OGFR: variants seen among roughly 807,000 people sequenced by gnomAD.
The protein encoded by OGFR is protein 7-60.
A neutral mutation model predicts 33.6 loss-of-function variants in OGFR; 18 were observed. That is an observed-to-expected ratio of 0.54 (90% CI 0.37 to 0.80). The LOEUF is 0.80. Ranked by LOEUF, OGFR falls within the 30% of genes least tolerant of loss-of-function variation. OGFR has a pLI of 0.00. For synonymous variants in OGFR, 370 were observed against 400.7 expected (o/e 0.92, Z 0.91); for missense variants, 877 against 955.8 (o/e 0.92, Z 1.09).
Position 62,813,650 on chromosome 20 carries a change from G to A in OGFR, c.*1G>A. On this transcript the variant is annotated 3_prime_UTR_variant, in exon 7 of 7. Coordinates refer to ENST00000290291, the MANE Select transcript of OGFR (RefSeq NM_007346.4). Reference sequence around the variant, plus strand: ...TTCTGCCAAGTCTGGGAAGCCTTAAGGAAAGGAGTGCCCGTCGGCGTCTTG... The same window carrying A: ...TTCTGCCAAGTCTGGGAAGCCTTAAAGAAAGGAGTGCCCGTCGGCGTCTTG... The A allele has an allele frequency of 6.2e-7, 1 of 1,611,512 alleles. No individual in the cohort carries two copies. The highest frequency in any genetic ancestry group is 2.2e-5 in the East Asian group (1 of 44,842).
rs140665580 is a variant in OGFR at position 62,812,951 on chromosome 20, C to T, written c.1336C>T (p.Pro446Ser). 2.2e-5 allele frequency: 35 copies of T among 1,612,152 alleles called. No individual in the cohort carries two copies. The highest frequency in any genetic ancestry group is 1.2e-4 in the African/African-American group (9 of 74,898). Residue 446 changes from proline (P) to serine (S), a missense_variant, in exon 7 of 7, where the codon CCC becomes TCC. Pro to Ser is a moderately conservative substitution (Grantham distance 74, BLOSUM62 -1). This residue lies in a region of OGFR where 760 missense variants were observed against 736.0 expected (regional missense o/e 1.03). Transcript: ENST00000290291. The part of the protein sequence containing the change: ...PGEAVQPCRQ[P>S]LGARVADKVR... ...GGAGGCAGTGCAGCCCTGCCGCCAACCCCTGGGAGCCAGGGTGGCCGACAA... is the reference window on the plus strand; with the variant it reads ...GGAGGCAGTGCAGCCCTGCCGCCAATCCCTGGGAGCCAGGGTGGCCGACAA...
intron 4 of OGFR, 52 bp from the exon 5 acceptor site, chr20:62,810,447 G>C: frequency 6.3e-7 from 1 of 1,587,242 alleles, no homozygotes; most frequent in African/African-American, 1.3e-5. Flanking sequence ...ACCTGCCCAA[G>C]GTCTGGAAGC....
Position 62,812,500 on chromosome 20 carries a change from C to T in OGFR, c.885C>T (p.Phe295=). Residue 295 remains phenylalanine, a synonymous_variant, in exon 7 of 7, where the codon TTC becomes TTT. Coordinates refer to ENST00000290291, the MANE Select transcript of OGFR (RefSeq NM_007346.4). ...GGCCCCAAGACAAGCTGCGGAGGTT[C>T]AAGCCCAGCTCTCTGCCCCATCCGC... is the stretch of plus-strand genomic sequence containing the variant. ...VWGPQDKLRR[F]KPSSLPHPLE... 4 of 1,583,012 alleles carry T rather than the reference C, an allele frequency of 2.5e-6. No individual in the cohort carries two copies. In the African/African-American group the frequency reaches 4.0e-5, roughly 16 times the overall value.
At position 62,813,675 on chromosome 20, in the gene OGFR, G is replaced by C; in HGVS notation, c.*26G>C. 1 of 1,609,232 alleles carries C rather than the reference G, an allele frequency of 6.2e-7. No individual in the cohort carries two copies. The highest frequency in any genetic ancestry group is 8.5e-7 in the Non-Finnish European group (1 of 1,177,490). ...GGAAAGGAGTGCCCGTCGGCGTCTT[G>C]GTCCTCCTGTCCCTGCTGCAGGGGC... On this transcript the variant is annotated 3_prime_UTR_variant, in exon 7 of 7. Transcript: ENST00000290291.
rs374502094 is a variant in OGFR at position 62,810,560 on chromosome 20, G to A, written c.460G>A (p.Val154Ile). 1.2e-6 allele frequency: 2 copies of A among 1,612,764 alleles called. No homozygotes were observed. The highest frequency in any genetic ancestry group is 1.7e-6 in the Non-Finnish European group (2 of 1,179,818). ...WHAKPLTLREVEVFKSSQEIQ... is the reference protein window; with the variant it reads ...WHAKPLTLREIEVFKSSQEIQ... ...TGCCAAGCCCCTCACGCTCAGGGAG[G>A]TCGAGGTGAGCCAGGCCTTGGCTGT... The change falls in exon 5 of 7, where the codon GTC (valine) becomes ATC (isoleucine). Residue 154 changes from valine (V) to isoleucine (I), a missense_variant. Around this residue, in one of 3 missense-constraint regions of OGFR, gnomAD observed 760 missense variants for 736.0 expected, o/e 1.03. Coordinates refer to ENST00000290291, the MANE Select transcript of OGFR (RefSeq NM_007346.4).
In OGFR at chr20:62,813,805, A is replaced by G. The variant is rs1990809459; in HGVS notation, c.*156A>G. 1 of 844,010 alleles carries G rather than the reference A, an allele frequency of 1.2e-6. No homozygotes were observed. The highest frequency in any genetic ancestry group is 2.5e-5 in the Admixed American group (1 of 40,166). 52.3% of individuals were successfully genotyped at this position (844,010 alleles called of 1,614,324 possible). On this transcript the variant is annotated 3_prime_UTR_variant, in exon 7 of 7. Transcript: ENST00000290291. ...CTGTGGGGCCACTATAGCAGCCACC[A>G]GAAGCCGCGAGGCCCTCAGGGAAGC...
At chr20:62,806,846 C>CCCAT (rs1990604811) in intron 1 of OGFR, 1 of 153,462 alleles carries the variant, frequency 6.5e-6, no homozygotes, top group Non-Finnish European at 1.5e-5. Context: ...TTTGCTCAGC[C>CCCAT]CCATGATGCT....
intron 2 of OGFR, 87 bp from the exon 3 acceptor site, chr20:62,808,160 C>T (rs1233172318): frequency 1.9e-6 from 2 of 1,025,784 alleles, no homozygotes; most frequent in East Asian, 2.4e-5. Context: ...TGGAGGTTTG[C>T]AGATGCGCCT....
Position 62,813,212 on chromosome 20 carries a change from G to A in OGFR, c.1597G>A (p.Glu533Lys), listed in dbSNP as rs540763369. ...CAGCCCAGCAGGACCTGCAGGGGAC[G>A]AGCCAGCCGAGAGCCCATCGGAGAC... ...GPSPAGPAGD[E>K]PAESPSETPG... The change falls in exon 7 of 7, where the codon GAG (glutamate) becomes AAG (lysine). Residue 533 changes from glutamate (E) to lysine (K), a missense_variant. By Grantham distance (56) the Glu-to-Lys change is moderately conservative. Around this residue, in one of 3 missense-constraint regions of OGFR, gnomAD observed 72 missense variants for 181.8 expected, o/e 0.40. Transcript: ENST00000290291. The A allele has an allele frequency of 2.1e-5, 32 of 1,524,706 alleles. No individual in the cohort carries two copies. In the South Asian group the frequency reaches 2.4e-4, roughly 11 times the overall value. 94.4% of individuals were successfully genotyped at this position (1,524,706 alleles called of 1,614,324 possible).
chr20:62,810,795 T>C (rs1398604024), intron 5 of OGFR, among the ~76,000 whole-genome samples: 1 of 152,234 alleles, frequency 6.6e-6, no homozygotes, highest in Non-Finnish European at 1.5e-5. Context: ...TTTGTCCCCA[T>C]GCGGGAGTCT....
At chr20:62,810,087 C>T (rs564732485) in intron 4 of OGFR, among the ~76,000 whole-genome samples, 1 of 98,250 alleles carries the variant, frequency 1.0e-5, no homozygotes, top group Admixed American at 9.6e-5. Context: ...AATGTGGCCC[C>T]GGAAACAGCA....
At chr20:62,808,829 G>A (rs1990655768) in intron 3 of OGFR, among the ~76,000 whole-genome samples, 1 of 151,892 alleles carries the variant, frequency 6.6e-6, no homozygotes, top group African/African-American at 2.4e-5. Context: ...AAAAAAATTA[G>A]CCAGGTGTGG....
chr20:62,809,718 C>G lies in OGFR; in HGVS notation c.398+55C>G. 3 of 1,359,894 alleles carry G rather than the reference C, an allele frequency of 2.2e-6. 1 individual carries two copies. The highest frequency in any genetic ancestry group is 2.1e-6 in the Non-Finnish European group (2 of 950,084). The allele number at this position is 1,359,894 out of a possible 1,614,324, so 84.2% of individuals were successfully genotyped here. On this transcript the variant is annotated intron_variant, in intron 4 of 6. Coordinates refer to ENST00000290291, the MANE Select transcript of OGFR (RefSeq NM_007346.4). ...GTTGGCGAGGCCACAGGGGGAGGGC[C>G]CTCCCAGGCAGGAGCCCTCCCGACG...
intron 2 of OGFR, chr20:62,807,945 TC>T: frequency 1.7e-6 from 1 of 599,890 alleles, no homozygotes; most frequent in African/African-American, 1.9e-5. Context: ...CTGCAGGTTG[TC>T]CTCAGCCATT....
Position 62,810,515 on chromosome 20 carries a change from G to A in OGFR, c.415G>A (p.Glu139Lys). 1 of 1,613,276 alleles carries A rather than the reference G, an allele frequency of 6.2e-7. No individual in the cohort carries two copies. The highest frequency in any genetic ancestry group is 8.5e-7 in the Non-Finnish European group (1 of 1,179,892). Residue 139 changes from glutamate to lysine, a missense_variant, in exon 5 of 7, where the codon GAA becomes AAA. Glu to Lys is a moderately conservative substitution (Grantham distance 56). Transcript: ENST00000290291. ...SYIQWLFPLR[E>K]PGVNWHAKPL... ...CTCCTGCAGGCTGTTTCCTCTGCGA[G>A]AACCAGGAGTGAACTGGCATGCCAA...
Position 62,811,624 on chromosome 20 carries a change from G to GCGGGGGGGCCCCCCC in OGFR, c.614+15_614+16insGGGGGGGCCCCCCCC. On this transcript the variant is annotated intron_variant, in intron 6 of 6. Transcript: ENST00000290291. ...GAACCTGAACTGGTGAGGCCCGGCT[G>GCGGGGGGGCCCCCCC]CTCCCGCCCACCCCCACCCCGGCGC... The GCGGGGGGGCCCCCCC allele has an allele frequency of 6.4e-7, 1 of 1,551,494 alleles. No individual in the cohort carries two copies.
At chr20:62,807,511 C>T (rs1415187108) in intron 1 of OGFR, 26 bp from the exon 2 acceptor site, 2 of 1,608,664 alleles carry the variant, frequency 1.2e-6, no homozygotes, top group South Asian at 1.1e-5. Context: ...CCATGGGGGT[C>T]CTAATCCCAT....
chr20:62,813,973 T>G lies in OGFR; in HGVS notation c.*324T>G. The G allele has an allele frequency of 4.6e-6, 2 of 434,394 alleles. No individual in the cohort carries two copies. The highest frequency in any genetic ancestry group is 4.1e-6 in the Non-Finnish European group (1 of 242,228). The allele number at this position is 434,394 out of a possible 1,614,324, so 26.9% of individuals were successfully genotyped here. A position where few individuals can be genotyped will look rare whatever the true frequency, so the allele number is the denominator to read the frequency against. ...TCTTAGTCTGATACCAAGCAAGGCC[T>G]TTTCTGAATAAATTCATTTGACTTT... On this transcript the variant is annotated 3_prime_UTR_variant, in exon 7 of 7. Transcript: ENST00000290291.
At chr20:62,809,268 C>T (rs1990669413) in intron 3 of OGFR, among the ~76,000 whole-genome samples, 1 of 152,184 alleles carries the variant, frequency 6.6e-6, no homozygotes, top group Admixed American at 6.5e-5. Flanking sequence ...ACTGAGGCCC[C>T]CTCCTGTACA....
Sources: allele counts gnomAD v4.1 joint callset (sites outside exome capture counted in the v4.1 genomes callset), GRCh38; gene constraint gnomAD v4.1.1; regional missense constraint gnomAD v4.1.1; transcripts MANE v1.5; gene names NCBI Gene and HGNC (gene_info 2026-07-23, HGNC 2026-07-21).